Variants in NTM observed in about 807,000 individuals in gnomAD.
The protein encoded by NTM is IgLON family member 2.
In NTM, 13 loss-of-function variants were observed where a neutral mutation model predicts 42.1. That is an observed-to-expected ratio of 0.31 (90% CI 0.20 to 0.49). The LOEUF (loss-of-function observed/expected upper bound fraction) is 0.49, where lower values mean the gene tolerates loss of function less well. Ranked by LOEUF, NTM falls within the 20% of genes least tolerant of loss-of-function variation. The pLI, the probability that NTM is intolerant of heterozygous loss-of-function variation, is 0.99. For missense variants in NTM, 373 were observed against 452.8 expected, an observed-to-expected ratio of 0.82 and a Z score of 1.60; for synonymous variants, 187 against 179.2, an observed-to-expected ratio of 1.04 and a Z score of -0.35.
At chr11:131,785,716 T>G (rs1219755010) in intron 1 of NTM, among the ~76,000 whole-genome samples, 5 of 152,212 alleles carry the variant, frequency 3.3e-5, no homozygotes, top group African/African-American at 1.2e-4. Context: ...AGAGACCTGA[T>G]GAAGATGGCT....
At chr11:131,617,502 T>C (rs952408230) in intron 1 of NTM, among the ~76,000 whole-genome samples, 6 of 152,116 alleles carry the variant, frequency 3.9e-5, no homozygotes, top group Admixed American at 1.3e-4. Context: ...AGTGAAAGTA[T>C]GAGCTGAGCT....
chr11:132,122,701 C>T (rs1046389898), intron 2 of NTM, among the ~76,000 whole-genome samples: 23 of 152,184 alleles, frequency 1.5e-4, no homozygotes, highest in Non-Finnish European at 2.9e-5. Context: ...GGAGCACTTT[C>T]CACACCAGCT....
chr11:131,493,737 A>G (rs1955043274), intron 1 of NTM, among the ~76,000 whole-genome samples: 1 of 152,216 alleles, frequency 6.6e-6, no homozygotes, highest in Non-Finnish European at 1.5e-5. Context: ...AAACACAGGT[A>G]TAGAAGAATG....
intron 1 of NTM, among the ~76,000 whole-genome samples, chr11:131,419,018 G>A (rs1380435526): frequency 6.6e-6 from 1 of 152,134 alleles, no homozygotes; most frequent in Non-Finnish European, 1.5e-5. Flanking sequence ...GGTGAGTCGA[G>A]CAACTCACTT....
chr11:132,063,601 G>A (rs775520723), intron 2 of NTM, among the ~76,000 whole-genome samples: 1 of 152,108 alleles, frequency 6.6e-6, no homozygotes, highest in Non-Finnish European at 1.5e-5. Context: ...CCCACCCTCC[G>A]GTGCCCTAAT....
intron 4 of NTM, among the ~76,000 whole-genome samples, chr11:132,289,278 C>G (rs1371893786): frequency 1.3e-5 from 2 of 152,118 alleles, no homozygotes; most frequent in Admixed American, 6.5e-5. Flanking sequence ...TTACTAGACT[C>G]TAGATTCTGT....
intron 4 of NTM, among the ~76,000 whole-genome samples, chr11:132,303,119 G>C (rs2094927204): frequency 6.6e-6 from 1 of 152,210 alleles, no homozygotes; most frequent in Non-Finnish European, 1.5e-5. Flanking sequence ...TAGATGAACT[G>C]AATGTGCAAC....
intron 1 of NTM, among the ~76,000 whole-genome samples, chr11:131,542,816 G>T (rs539757588): frequency 2.5e-4 from 38 of 152,164 alleles, no homozygotes; most frequent in Non-Finnish European, 5.0e-4. Flanking sequence ...GAGGTGTGCA[G>T]CCTGGCTCTT....
chr11:132,298,219 C>G (rs1192150309), intron 4 of NTM, among the ~76,000 whole-genome samples: 1 of 152,224 alleles, frequency 6.6e-6, no homozygotes, highest in African/African-American at 2.4e-5. Flanking sequence ...AAGCAAACAG[C>G]CAAGATACTG....
At chr11:131,403,742 T>C (rs1365789417) in intron 1 of NTM, among the ~76,000 whole-genome samples, 1 of 152,118 alleles carries the variant, frequency 6.6e-6, no homozygotes, top group African/African-American at 2.4e-5. Context: ...CCACTTGGAG[T>C]GAATGACTCA....
chr11:131,854,667 C>G (rs1466952030), intron 1 of NTM, among the ~76,000 whole-genome samples: 1 of 152,170 alleles, frequency 6.6e-6, no homozygotes, highest in South Asian at 2.1e-4. Context: ...AAAAATTAGG[C>G]CACGATAAGG....
At chr11:131,945,763 T>C (rs1047969940) in intron 2 of NTM, among the ~76,000 whole-genome samples, 1 of 152,202 alleles carries the variant, frequency 6.6e-6, no homozygotes, top group Non-Finnish European at 1.5e-5. Context: ...TTTACTGATA[T>C]GCTCCCAAAG....
At chr11:131,624,708 G>T (rs1337245946) in intron 1 of NTM, among the ~76,000 whole-genome samples, 1 of 152,224 alleles carries the variant, frequency 6.6e-6, no homozygotes, top group Non-Finnish European at 1.5e-5. Flanking sequence ...GAAGTCAGAT[G>T]TGCCCATCCA....
chr11:131,721,926 G>A (rs2078383910), intron 1 of NTM, among the ~76,000 whole-genome samples: 2 of 147,740 alleles, frequency 1.4e-5, no homozygotes, highest in South Asian at 4.3e-4. Context: ...TTGAACCCAG[G>A]AGGTGGAGAT....
At chr11:132,252,238 C>G (rs1422587793) in intron 4 of NTM, among the ~76,000 whole-genome samples, 1 of 152,094 alleles carries the variant, frequency 6.6e-6, no homozygotes, top group Non-Finnish European at 1.5e-5. Flanking sequence ...TACAATCAAC[C>G]TTTCAGCTCA....
intron 2 of NTM, among the ~76,000 whole-genome samples, chr11:132,047,165 C>T (rs1187819561): frequency 1.3e-5 from 2 of 152,238 alleles, no homozygotes; most frequent in African/African-American, 2.4e-5. Flanking sequence ...CCCCCATGGG[C>T]TGGGATCTGA....
intron 2 of NTM, among the ~76,000 whole-genome samples, chr11:132,013,765 T>C (rs1433525599): frequency 6.6e-6 from 1 of 152,150 alleles, no homozygotes; most frequent in Non-Finnish European, 1.5e-5. Context: ...ATACATAGTA[T>C]TTGTTCATGT....
chr11:132,071,535 A>G (rs1028016187), intron 2 of NTM, among the ~76,000 whole-genome samples: 1 of 152,230 alleles, frequency 6.6e-6, no homozygotes, highest in Admixed American at 6.5e-5. Context: ...CATTTGATTC[A>G]AATGTGGGAA....
intron 4 of NTM, among the ~76,000 whole-genome samples, chr11:132,263,343 C>A (rs950565153): frequency 1.7e-4 from 26 of 152,208 alleles, no homozygotes; most frequent in African/African-American, 6.3e-4. Context: ...TGAAGAATTG[C>A]ACACATTCAT....
Sources: gnomAD v4.1 joint callset for allele counts (sites outside exome capture counted in the v4.1 genomes callset) on GRCh38, gnomAD v4.1.1 for gene constraint, MANE v1.5 for transcripts, NCBI Gene and HGNC (gene_info 2026-07-23, HGNC 2026-07-21) for gene names.